Variants in DNM3 observed in about 807,000 individuals in gnomAD.
The protein encoded by DNM3 is dynamin 3, also known as dynamin-3.
Under a neutral mutation model 101.6 loss-of-function variants are expected in DNM3, and 47 were observed. The ratio of observed to expected loss-of-function variants is 0.46; its 90% confidence interval spans 0.37 to 0.59. The LOEUF (loss-of-function observed/expected upper bound fraction) is 0.59, where lower values mean the gene tolerates loss of function less well. Ranked by LOEUF, DNM3 falls within the 20% of genes least tolerant of loss-of-function variation. The pLI, the probability that DNM3 is intolerant of heterozygous loss-of-function variation, is 0.00. For missense variants in DNM3, 849 were observed against 1,085.7 expected (o/e 0.78, Z 3.06); for synonymous variants, 385 against 387.9 (o/e 0.99, Z 0.09).
At chr1:172,228,388 G>C (rs905320326) in intron 14 of DNM3, among the ~76,000 whole-genome samples, 6 of 151,892 alleles carry the variant, frequency 4.0e-5, no homozygotes, top group Admixed American at 3.3e-4. Context: ...TAACTTCTCA[G>C]GTCGGTTTCA....
intron 14 of DNM3, among the ~76,000 whole-genome samples, chr1:172,200,596 T>C (rs2060118750): frequency 6.6e-6 from 1 of 152,202 alleles, no homozygotes; most frequent in African/African-American, 2.4e-5. Context: ...GAGGTTTTGT[T>C]CATCCCTTTT....
intron 16 of DNM3, among the ~76,000 whole-genome samples, chr1:172,315,961 G>A (rs1233823257): frequency 6.6e-6 from 1 of 152,084 alleles, no homozygotes; most frequent in Non-Finnish European, 1.5e-5. Flanking sequence ...TTGAAATGAA[G>A]GAAAAAGTGT....
intron 4 of DNM3, among the ~76,000 whole-genome samples, chr1:172,013,467 G>A (rs1263777143): frequency 6.6e-6 from 1 of 152,040 alleles, no homozygotes; most frequent in Non-Finnish European, 1.5e-5. Context: ...TGGCAGCTCT[G>A]TGAATAGCTT....
intron 14 of DNM3, among the ~76,000 whole-genome samples, chr1:172,209,096 T>A (rs2060422133): frequency 6.6e-6 from 1 of 152,044 alleles, no homozygotes; most frequent in Admixed American, 6.6e-5. Context: ...ATAAGGTCTT[T>A]AAACAGGTGA....
At chr1:172,119,894 T>C (rs769358272) in intron 13 of DNM3, among the ~76,000 whole-genome samples, 8 of 152,202 alleles carry the variant, frequency 5.3e-5, no homozygotes, top group Non-Finnish European at 8.8e-5. Context: ...ATTGTCATAC[T>C]AACTTCTCTT....
At position 172,346,535 on chromosome 1, in the gene DNM3, A is replaced by T. The variant is rs137977102; in HGVS notation, c.1893+23195A>T. ...ACTAGGAGTGAGTAAGTATATTAGG[A>T]TGTAGGACTGACGACTAAGATACTG... On this transcript the variant is annotated intron_variant, in intron 17 of 20. Transcript: ENST00000627582. Among the ~76,000 whole-genome samples the T allele has an allele frequency of 2.9e-3, 449 of 152,310 alleles. 2 individuals carry two copies. The highest frequency in any genetic ancestry group is 0.01 in the African/African-American group (431 of 41,558).
At chr1:171,935,999 A>G (rs2041388629) in intron 2 of DNM3, among the ~76,000 whole-genome samples, 1 of 151,284 alleles carries the variant, frequency 6.6e-6, no homozygotes, top group Non-Finnish European at 1.5e-5. Flanking sequence ...GGAATTTGAT[A>G]TGCCCCCTGA....
In DNM3 at chr1:172,313,606, A is replaced by T. The variant is rs568535434; in HGVS notation, c.1881+4767A>T. Among the ~76,000 whole-genome samples the T allele has an allele frequency of 6.6e-5, 10 of 152,264 alleles. No homozygotes were observed. In the East Asian group the frequency reaches 1.7e-3, roughly 26 times the overall value. ...ATCCTGAGCCTGCCATTTACTAGCCATGTGGCTCAGGCAACTTACTTAACC... is the reference window on the plus strand; with the variant it reads ...ATCCTGAGCCTGCCATTTACTAGCCTTGTGGCTCAGGCAACTTACTTAACC... On this transcript the variant is annotated intron_variant, in intron 16 of 20. Transcript: ENST00000627582.
At chr1:172,315,649 T>A (rs2065303683) in intron 16 of DNM3, among the ~76,000 whole-genome samples, 1 of 151,802 alleles carries the variant, frequency 6.6e-6, no homozygotes, top group African/African-American at 2.4e-5. Context: ...TGATGGAAGA[T>A]GAAATGAATG....
chr1:172,354,126 A>G (rs963912072), intron 17 of DNM3, among the ~76,000 whole-genome samples: 23 of 149,840 alleles, frequency 1.5e-4, no homozygotes, highest in African/African-American at 5.4e-4. Flanking sequence ...AGAGAGAGAG[A>G]GAGAGAGAGA....
chr1:172,357,546 G>T (rs1226890277), intron 17 of DNM3, among the ~76,000 whole-genome samples: 1 of 151,860 alleles, frequency 6.6e-6, no homozygotes, highest in Non-Finnish European at 1.5e-5. Context: ...AAATTATTAG[G>T]GTCATAAAAG....
intron 4 of DNM3, among the ~76,000 whole-genome samples, chr1:172,031,127 T>C (rs996537293): frequency 3.9e-5 from 6 of 152,104 alleles, no homozygotes; most frequent in Admixed American, 2.6e-4. Context: ...GCACTATTTA[T>C]AGTAGCAAAG....
intron 14 of DNM3, among the ~76,000 whole-genome samples, chr1:172,160,207 A>G (rs577303195): frequency 6.6e-6 from 1 of 152,152 alleles, no homozygotes; most frequent in South Asian, 2.1e-4. Context: ...TGCAGACTTT[A>G]GAAACACTGT....
At chr1:171,944,665 T>C (rs971624960) in intron 2 of DNM3, among the ~76,000 whole-genome samples, 1 of 152,028 alleles carries the variant, frequency 6.6e-6, no homozygotes, top group African/African-American at 2.4e-5. Context: ...TGAGCCACCA[T>C]GCCCAGCCTC....
At chr1:172,392,538 G>A (rs1053600834) in intron 20 of DNM3, among the ~76,000 whole-genome samples, 3 of 152,162 alleles carry the variant, frequency 2.0e-5, no homozygotes, top group African/African-American at 7.2e-5. Context: ...TAGAGCTGAT[G>A]TAACTATTTT....
In DNM3 at chr1:171,969,576, G is replaced by A. The variant is rs74123818; in HGVS notation, c.236-18080G>A. On this transcript the variant is annotated intron_variant, in intron 2 of 20. Coordinates refer to ENST00000627582, the MANE Select transcript of DNM3 (RefSeq NM_015569.5). Reference sequence around the variant, plus strand: ...CTTCATTGGGATTCCTAGAAACGGGGGGTCTTAAAATAATTGCATTTCTTT... The same window carrying A: ...CTTCATTGGGATTCCTAGAAACGGGAGGTCTTAAAATAATTGCATTTCTTT... 6.7e-3 allele frequency among the ~76,000 whole-genome samples: 1,019 copies of A among 152,216 alleles called. 14 individuals are homozygous for A. Among genetic ancestry groups the A allele is most frequent in the African/African-American group, 0.023 (948 of 41,516 alleles).
intron 1 of DNM3, among the ~76,000 whole-genome samples, chr1:171,856,808 A>G (rs1229429152): frequency 6.6e-6 from 1 of 152,202 alleles, no homozygotes; most frequent in Non-Finnish European, 1.5e-5. Context: ...CATCTCTGCA[A>G]ACAGGGATAG....
At chr1:172,083,825 G>A (rs544096860) in intron 12 of DNM3, among the ~76,000 whole-genome samples, 15 of 152,226 alleles carry the variant, frequency 9.9e-5, no homozygotes, top group Non-Finnish European at 1.8e-4. Flanking sequence ...TCCAAGGGCA[G>A]GTGATTTTTC....
chr1:172,169,547 C>T (rs1390936704), intron 14 of DNM3, among the ~76,000 whole-genome samples: 1 of 151,828 alleles, frequency 6.6e-6, no homozygotes, highest in East Asian at 1.9e-4. Context: ...TGCCACTGAG[C>T]CTTGATCAAA....
Sources: gnomAD v4.1 joint callset for allele counts (sites outside exome capture counted in the v4.1 genomes callset) on GRCh38, gnomAD v4.1.1 for gene constraint, MANE v1.5 for transcripts, NCBI Gene and HGNC (gene_info 2026-07-23, HGNC 2026-07-21) for gene names.